The following SH3PXD2A variants were observed in gnomAD, a reference collection of about 807,000 sequenced individuals.
The protein encoded by SH3PXD2A is SH3 and PX domains 2A.
In SH3PXD2A, 32 loss-of-function variants were observed where a neutral mutation model predicts 115.2. The observed-to-expected ratio is 0.28, with a 90% confidence interval of 0.21 to 0.37. SH3PXD2A has a LOEUF of 0.37. Ranked by LOEUF, SH3PXD2A falls within the 10% of genes least tolerant of loss-of-function variation. SH3PXD2A has a pLI of 1.00. For missense variants in SH3PXD2A, 1,328 were observed against 1,498.7 expected, an observed-to-expected ratio of 0.89 and a Z score of 1.88; for synonymous variants, 610 against 629.1, an observed-to-expected ratio of 0.97 and a Z score of 0.45.
In SH3PXD2A at chr10:103,642,383, G is replaced by C. The variant is rs143258811; in HGVS notation, c.605-15181C>G. Among the ~76,000 whole-genome samples the C allele has an allele frequency of 3.2e-3, 486 of 152,324 alleles. 3 individuals carry two copies. Among genetic ancestry groups the C allele is most frequent in the African/African-American group, 0.011 (471 of 41,568 alleles). On this transcript the variant is annotated intron_variant, in intron 8 of 14. Transcript: ENST00000369774. ...TAAAGATCATCGAACATCAAACTGA[G>C]ATAAGTCAGAAGGCTTGGAAGAGAA...
intron 1 of SH3PXD2A, among the ~76,000 whole-genome samples, chr10:103,836,296 CT>C (rs1426761875): frequency 6.6e-6 from 1 of 152,024 alleles, no homozygotes; most frequent in East Asian, 1.9e-4. Flanking sequence ...ATGCCAACAG[CT>C]TTTATTACAC....
Position 103,600,940 on chromosome 10 carries a change from A to G in SH3PXD2A, c.*876T>C, listed in dbSNP as rs768401826. Reference sequence around the variant, plus strand: ...ACCCAGGCCCCCAAACAACCCCTAAAATAAGACGCAAACCAAAGGCCTGAC... The same window carrying G: ...ACCCAGGCCCCCAAACAACCCCTAAGATAAGACGCAAACCAAAGGCCTGAC... On this transcript the variant is annotated 3_prime_UTR_variant, in exon 15 of 15. Coordinates refer to ENST00000369774, the MANE Select transcript of SH3PXD2A (RefSeq NM_001394015.1). 2.0e-5 allele frequency: 3 copies of G among 152,170 alleles called. No homozygotes were observed. The highest frequency in any genetic ancestry group is 4.4e-5 in the Non-Finnish European group (3 of 68,028). The allele number at this position is 152,170 out of a possible 1,614,324, so 9.4% of individuals were successfully genotyped here. A position where few individuals can be genotyped will look rare whatever the true frequency, so the allele number is the denominator to read the frequency against.
chr10:103,747,551 A>G (rs6584569), intron 3 of SH3PXD2A, among the ~76,000 whole-genome samples: 42,914 of 151,996 alleles, frequency 0.28, 6,561 homozygotes, highest in African/African-American at 0.41. Context: ...AGGCCTCTGG[A>G]GCTCAGAGAA....
chr10:103,767,644 A>T (rs1228331544), intron 2 of SH3PXD2A, among the ~76,000 whole-genome samples: 2 of 150,750 alleles, frequency 1.3e-5, no homozygotes, highest in Non-Finnish European at 2.9e-5. Flanking sequence ...TGCTGTGGAA[A>T]CAGAACCAGC....
chr10:103,805,412 A>G (rs973396903), intron 1 of SH3PXD2A, among the ~76,000 whole-genome samples: 2 of 152,216 alleles, frequency 1.3e-5, no homozygotes, highest in Non-Finnish European at 2.9e-5. Flanking sequence ...TATACAAAGG[A>G]CACAACCTTC....
At chr10:103,626,276 C>A (rs910300346) in intron 9 of SH3PXD2A, among the ~76,000 whole-genome samples, 3 of 152,266 alleles carry the variant, frequency 2.0e-5, no homozygotes, top group African/African-American at 7.2e-5. Context: ...TTTGGCCTGG[C>A]AGCAGAAAGC....
At chr10:103,749,291 C>T (rs960051118) in intron 3 of SH3PXD2A, among the ~76,000 whole-genome samples, 2 of 152,146 alleles carry the variant, frequency 1.3e-5, no homozygotes, top group Non-Finnish European at 2.9e-5. Context: ...ACCAGGTGAC[C>T]CCAGAGGCCA....
At chr10:103,782,883 C>G (rs527434344) in intron 2 of SH3PXD2A, among the ~76,000 whole-genome samples, 3 of 142,762 alleles carry the variant, frequency 2.1e-5, no homozygotes, top group Non-Finnish European at 4.6e-5. Flanking sequence ...GTTTTGAAGA[C>G]AGTAGAATGT....
chr10:103,623,276 C>CAA (rs11377652), intron 9 of SH3PXD2A, among the ~76,000 whole-genome samples: 1 of 141,308 alleles, frequency 7.1e-6, no homozygotes, highest in African/African-American at 3.2e-5. Flanking sequence ...GGGGCCCCCT[C>CAA]CCCAGCTTCT....
At chr10:103,641,968 C>T (rs1323121940) in intron 8 of SH3PXD2A, among the ~76,000 whole-genome samples, 1 of 152,150 alleles carries the variant, frequency 6.6e-6, no homozygotes, top group African/African-American at 2.4e-5. Context: ...GTTCATATAA[C>T]ATATACAGAT....
At chr10:103,605,066 C>T (rs1237302282) in intron 14 of SH3PXD2A, among the ~76,000 whole-genome samples, 2 of 152,242 alleles carry the variant, frequency 1.3e-5, no homozygotes, top group Non-Finnish European at 2.9e-5. Flanking sequence ...GAATACCATG[C>T]TCAGCCCCAG....
rs938140377 is a variant in SH3PXD2A, at chr10:103,706,586, T to C, written c.399-13530A>G. Among the ~76,000 whole-genome samples the C allele has an allele frequency of 3.9e-5, 6 of 152,218 alleles. No individual in the cohort carries two copies. The East Asian group carries it at 1.2e-3, about 29-fold the overall frequency. Reference sequence around the variant, plus strand: ...CAGTAGGCTCCCTGAGAGCAGGAACTGTGTGTGTCTTGCCAGGCCCAGCAC... The same window carrying C: ...CAGTAGGCTCCCTGAGAGCAGGAACCGTGTGTGTCTTGCCAGGCCCAGCAC... On this transcript the variant is annotated intron_variant, in intron 5 of 14. Transcript: ENST00000369774.
chr10:103,728,893 G>GTTTTT (rs1230309303), intron 4 of SH3PXD2A, among the ~76,000 whole-genome samples: 1 of 139,758 alleles, frequency 7.2e-6, no homozygotes, highest in African/African-American at 2.7e-5. Flanking sequence ...TTGTTTGTTT[G>GTTTTT]TTTGTTTTTT....
At chr10:103,800,002 G>C (rs1302400577) in intron 2 of SH3PXD2A, among the ~76,000 whole-genome samples, 1 of 152,148 alleles carries the variant, frequency 6.6e-6, no homozygotes, top group Non-Finnish European at 1.5e-5. Flanking sequence ...TTAGGTATTG[G>C]GGGCAAGCAC....
chr10:103,608,150 T>TAAAAAAAAAAAAAAAAGTTAACA (rs60345299), intron 13 of SH3PXD2A, among the ~76,000 whole-genome samples: 1 of 32,670 alleles, frequency 3.1e-5, no homozygotes, highest in Non-Finnish European at 4.5e-5. Flanking sequence ...ATGATCAATT[T>TAAAAAAAAAAAAAAAAGTTAACA]AAAAAAAAAA....
intron 5 of SH3PXD2A, among the ~76,000 whole-genome samples, chr10:103,708,566 C>A (rs190765843): frequency 6.6e-6 from 1 of 152,214 alleles, no homozygotes; most frequent in Non-Finnish European, 1.5e-5. Context: ...CAGGGAACAG[C>A]CTGCAGCCAG....
chr10:103,836,542 A>G (rs1171356796), intron 1 of SH3PXD2A, among the ~76,000 whole-genome samples: 2 of 150,396 alleles, frequency 1.3e-5, no homozygotes, highest in East Asian at 3.9e-4. Context: ...CCACCTTCAA[A>G]CTCATATACA....
At position 103,601,336 on chromosome 10, in the gene SH3PXD2A, CA is replaced by C. The variant is rs1210228336; in HGVS notation, c.*479del. On this transcript the variant is annotated 3_prime_UTR_variant, in exon 15 of 15. Transcript: ENST00000369774. ...CGTGGCAATGCCCAGGAAACCAGCACAATTCACAAATACAGCTTAGGACAAT... is the reference window on the plus strand; with the variant it reads ...CGTGGCAATGCCCAGGAAACCAGCACATTCACAAATACAGCTTAGGACAAT... 1 of 153,926 alleles carries C rather than the reference CA, an allele frequency of 6.5e-6. No homozygotes were observed. The highest frequency in any genetic ancestry group is 1.5e-5 in the Non-Finnish European group (1 of 68,928). The allele number at this position is 153,926 out of a possible 1,614,324, so 9.5% of individuals were successfully genotyped here.
intron 6 of SH3PXD2A, among the ~76,000 whole-genome samples, chr10:103,681,781 C>CAG (rs1287863647): frequency 5.9e-5 from 9 of 151,950 alleles, no homozygotes; most frequent in African/African-American, 1.7e-4. Context: ...CGCACACACA[C>CAG]AAAATGCAGA....
Sources: allele counts gnomAD v4.1 joint callset (sites outside exome capture counted in the v4.1 genomes callset), GRCh38; gene constraint gnomAD v4.1.1; transcripts MANE v1.5; gene names NCBI Gene and HGNC (gene_info 2026-07-23, HGNC 2026-07-21).